ATXN1: variants seen among roughly 807,000 people sequenced by gnomAD.
ATXN1 encodes the protein ataxin 1, also known as ataxin-1.
In ATXN1, 8 loss-of-function variants were observed where a neutral mutation model predicts 56.4. That is an observed-to-expected ratio of 0.14 (90% confidence interval 0.08 to 0.26). ATXN1 has a LOEUF of 0.26. Among genes scored for constraint, ATXN1 ranks in the 10% least tolerant of loss-of-function variants. ATXN1 has a pLI of 1.00. For missense variants in ATXN1, 987 were observed against 1,106.5 expected (o/e 0.89, Z 1.53); for synonymous variants, 514 against 494.6 (o/e 1.04, Z -0.52).
intron 3 of ATXN1, among the ~76,000 whole-genome samples, chr6:16,609,827 G>C (rs1339114657): frequency 6.6e-6 from 1 of 152,146 alleles, no homozygotes; most frequent in Non-Finnish European, 1.5e-5. Flanking sequence ...TTTCAGACAA[G>C]ATGTGATTTG....
At chr6:16,661,239 T>C (rs1758314171) in intron 2 of ATXN1, among the ~76,000 whole-genome samples, 1 of 152,104 alleles carries the variant, frequency 6.6e-6, no homozygotes, top group South Asian at 2.1e-4. Flanking sequence ...ATTCTAGATA[T>C]ATAACTAAAC....
intron 6 of ATXN1, among the ~76,000 whole-genome samples, chr6:16,405,746 T>C (rs1442085153): frequency 6.6e-6 from 1 of 152,242 alleles, no homozygotes; most frequent in Non-Finnish European, 1.5e-5. Context: ...CAGCTCATCC[T>C]GTCCTTGGAC....
intron 7 of ATXN1, among the ~76,000 whole-genome samples, chr6:16,322,241 C>G (rs1037726588): frequency 3.3e-5 from 5 of 152,080 alleles, no homozygotes; most frequent in Non-Finnish European, 5.9e-5. Context: ...AGCAAACAAA[C>G]GAACACAAAA....
chr6:16,414,265 C>G (rs1175620724), intron 6 of ATXN1, among the ~76,000 whole-genome samples: 4 of 152,168 alleles, frequency 2.6e-5, no homozygotes, highest in Non-Finnish European at 5.9e-5. Context: ...GCATATTGTA[C>G]CCTAAATGAG....
At chr6:16,370,199 G>A (rs1335233050) in intron 6 of ATXN1, among the ~76,000 whole-genome samples, 3 of 152,070 alleles carry the variant, frequency 2.0e-5, no homozygotes, top group East Asian at 3.8e-4. Flanking sequence ...TTCTCCAGGC[G>A]ACCCCGACAG....
At chr6:16,682,296 A>C (rs1758831054) in intron 2 of ATXN1, among the ~76,000 whole-genome samples, 1 of 147,752 alleles carries the variant, frequency 6.8e-6, no homozygotes. Flanking sequence ...TCCCAGGTTC[A>C]AGTGATTCTC....
intron 2 of ATXN1, among the ~76,000 whole-genome samples, chr6:16,660,553 C>T (rs947384854): frequency 1.3e-5 from 2 of 152,116 alleles, no homozygotes; most frequent in South Asian, 2.1e-4. Flanking sequence ...ATGTAAGTCA[C>T]GGCCTTTTAA....
intron 6 of ATXN1, among the ~76,000 whole-genome samples, chr6:16,368,961 C>T (rs1761983850): frequency 6.6e-6 from 1 of 152,126 alleles, no homozygotes; most frequent in Non-Finnish European, 1.5e-5. Context: ...AAATATATCC[C>T]TGGATGCTTT....
At chr6:16,424,436 C>T (rs1489456989) in intron 6 of ATXN1, among the ~76,000 whole-genome samples, 1 of 152,170 alleles carries the variant, frequency 6.6e-6, no homozygotes, top group East Asian at 1.9e-4. Context: ...TCTCTTTGCT[C>T]CAGGCTGCAC....
chr6:16,313,731 T>C (rs1238734650), intron 7 of ATXN1, among the ~76,000 whole-genome samples: 39 of 151,950 alleles, frequency 2.6e-4, no homozygotes, highest in Admixed American at 2.6e-3. Context: ...TAATTTTTTA[T>C]ATTTTTAGTA....
rs759355727 is a variant in ATXN1, at chr6:16,327,663, CTGCTGCTGCTGCTGA to C, written c.633_647del (p.His211_Gln215del). Reference sequence around the variant, plus strand: ...GCTGCTGCTGCTGCTGCTGCTGCTGCTGCTGCTGCTGCTGATGCTGATGCTGCTGCTGCTGCTGCT... The same window carrying C: ...GCTGCTGCTGCTGCTGCTGCTGCTGCTGCTGATGCTGCTGCTGCTGCTGCT... On this transcript the variant is annotated inframe_deletion, in exon 7 of 8. Coordinates refer to ENST00000436367, the MANE Select transcript of ATXN1 (RefSeq NM_001128164.2). 7 of 1,523,486 alleles carry C rather than the reference CTGCTGCTGCTGCTGA, an allele frequency of 4.6e-6. No individual in the cohort carries two copies. Among genetic ancestry groups the C allele is most frequent in the African/African-American group, 3.1e-5 (2 of 64,080 alleles). 94.4% of individuals were successfully genotyped at this position (1,523,486 alleles called of 1,614,324 possible).
chr6:16,620,277 A>ACACC (rs1218724518), intron 3 of ATXN1, among the ~76,000 whole-genome samples: 18 of 151,646 alleles, frequency 1.2e-4, no homozygotes, highest in African/African-American at 4.1e-4. Context: ...ACACACACAC[A>ACACC]CACACACACA....
intron 6 of ATXN1, among the ~76,000 whole-genome samples, chr6:16,389,208 G>T (rs964727693): frequency 6.6e-6 from 1 of 152,108 alleles, no homozygotes; most frequent in Non-Finnish European, 1.5e-5. Context: ...GTGGTGGCAC[G>T]CGCCTGTCAT....
intron 4 of ATXN1, among the ~76,000 whole-genome samples, chr6:16,538,702 G>A (rs141080404): frequency 1.2e-4 from 18 of 151,110 alleles, no homozygotes; most frequent in African/African-American, 3.9e-4. Flanking sequence ...TTGTCCTTGC[G>A]ATTGAGATAG....
chr6:16,746,608 T>C (rs1319796211), intron 2 of ATXN1, among the ~76,000 whole-genome samples: 1 of 152,148 alleles, frequency 6.6e-6, no homozygotes, highest in Non-Finnish European at 1.5e-5. Flanking sequence ...CCTCCAGAAA[T>C]GGATGTTGTT....
At chr6:16,698,511 T>C (rs1019817769) in intron 2 of ATXN1, among the ~76,000 whole-genome samples, 1 of 152,128 alleles carries the variant, frequency 6.6e-6, no homozygotes, top group Non-Finnish European at 1.5e-5. Flanking sequence ...GTTCAGCATA[T>C]AGACAGATAA....
chr6:16,480,143 G>T (rs1212385317), intron 6 of ATXN1, among the ~76,000 whole-genome samples: 2 of 94,788 alleles, frequency 2.1e-5, no homozygotes, highest in Non-Finnish European at 3.9e-5. Context: ...CACAGCAAGA[G>T]ACTTCATCTG....
At chr6:16,502,482 C>T (rs1478786748) in intron 5 of ATXN1, among the ~76,000 whole-genome samples, 2 of 152,200 alleles carry the variant, frequency 1.3e-5, no homozygotes, top group African/African-American at 4.8e-5. Context: ...TGAACATGTA[C>T]ATATGCTGTA....
chr6:16,688,175 TA>T (rs1284848503), intron 2 of ATXN1, among the ~76,000 whole-genome samples: 1 of 152,178 alleles, frequency 6.6e-6, no homozygotes, highest in Non-Finnish European at 1.5e-5. Flanking sequence ...TAGGAGACAG[TA>T]AAACAATATT....
Sources: gnomAD v4.1 joint callset for allele counts (sites outside exome capture counted in the v4.1 genomes callset) on GRCh38, gnomAD v4.1.1 for gene constraint, MANE v1.5 for transcripts, NCBI Gene and HGNC (gene_info 2026-07-23, HGNC 2026-07-21) for gene names.